SEC31B: variants seen among roughly 807,000 people sequenced by gnomAD.
The protein encoded by SEC31B is SEC31 homolog B, COPII component, also known as protein transport protein Sec31B.
Under a neutral mutation model 135.0 loss-of-function variants are expected in SEC31B, and 113 were observed. The ratio of observed to expected loss-of-function variants is 0.84; its 90% CI spans 0.72 to 0.98. The LOEUF (loss-of-function observed/expected upper bound fraction) is 0.98. Ranked by LOEUF, SEC31B falls within the 50% of genes least tolerant of loss-of-function variation. The pLI is 0.00. For synonymous variants in SEC31B, 508 were observed against 549.4 expected (o/e 0.92, Z 1.05); for missense variants, 1,296 against 1,421.1 (o/e 0.91, Z 1.42).
In SEC31B at chr10:100,497,223, C is replaced by T; in HGVS notation, c.2048G>A (p.Arg683Lys). 1 of 1,614,232 alleles carries T rather than the reference C, an allele frequency of 6.2e-7. No individual in the cohort carries two copies. Among genetic ancestry groups the T allele is most frequent in the South Asian group, 1.1e-5 (1 of 91,086 alleles). The change falls in exon 17 of 26, where the codon AGA (arginine) becomes AAA (lysine). Residue 683 changes from arginine (R) to lysine (K), a missense_variant. Coordinates refer to ENST00000370345, the MANE Select transcript of SEC31B (RefSeq NM_015490.4). ...ACTCCCTGAGCACACATAACAGAGT[C>T]TGGCTTCGGAGGTTAGTGCCCTGCT... ...EGSRALTSEA[R>K]LCYVCSGSVE...
intron 3 of SEC31B, among the ~76,000 whole-genome samples, chr10:100,513,273 T>C (rs1851766817): frequency 6.6e-6 from 1 of 152,208 alleles, no homozygotes; most frequent in Admixed American, 6.5e-5. Context: ...AGAGATAAAA[T>C]ACTTATCAGT....
At chr10:100,503,790 T>C (rs571184753) in intron 10 of SEC31B, among the ~76,000 whole-genome samples, 168 of 151,890 alleles carry the variant, frequency 1.1e-3, no homozygotes, top group Non-Finnish European at 1.9e-3. Context: ...TTCAATCCAA[T>C]GCAGTAAATG....
intron 7 of SEC31B, 110 bp from the exon 8 acceptor site, chr10:100,506,530 T>C (rs1460517895): frequency 4.8e-6 from 4 of 826,484 alleles, no homozygotes; most frequent in African/African-American, 1.7e-5. Flanking sequence ...ATCCATGCCC[T>C]ATAAAATGCA....
At chr10:100,511,414 C>A (rs756962053) in intron 3 of SEC31B, among the ~76,000 whole-genome samples, 1 of 152,094 alleles carries the variant, frequency 6.6e-6, no homozygotes, top group Non-Finnish European at 1.5e-5. Context: ...TGGGTGGGTG[C>A]GTACTATTCT....
At position 100,502,285 on chromosome 10, in the gene SEC31B, T is replaced by C. The variant is rs752924420; in HGVS notation, c.1379A>G (p.Gln460Arg). The C allele has an allele frequency of 4.3e-6, 7 of 1,614,192 alleles. No homozygotes were observed. Among genetic ancestry groups the C allele is most frequent in the South Asian group, 1.1e-5 (1 of 91,080 alleles). The change falls in exon 11 of 26, where the codon CAA (glutamine) becomes CGA (arginine). Residue 460 changes from glutamine to arginine, a missense_variant. Transcript: ENST00000370345. ...GAACTGCCACAGCATCTTTTCACTT[T>C]GCAGTAAAGCTTGCTGGCTCTTGTT... ...CQNKSQQALL[Q>R]SEKMLWQFLK... is the part of the protein sequence containing the mutation.
At chr10:100,506,524 A>C in intron 7 of SEC31B, 104 bp from the exon 8 acceptor site, 1 of 894,440 alleles carries the variant, frequency 1.1e-6, no homozygotes, top group Non-Finnish European at 1.8e-6. Flanking sequence ...CAGACCATCC[A>C]TGCCCTATAA....
intron 6 of SEC31B, 24 bp downstream of exon 6, chr10:100,507,884 T>C (rs1405683717): frequency 2.5e-6 from 4 of 1,614,030 alleles, no homozygotes; most frequent in Non-Finnish European, 3.4e-6. Flanking sequence ...AGCCCAAGCC[T>C]GTGTTCTGGC....
rs757171324 is a variant in SEC31B, at chr10:100,496,434, G to T, written c.2137-3C>A. ...ACCATCACCTTCTCCATCAGGTCCT[G>T]TAAGGGCAAGGATGAGGGTGGTAAG... On this transcript the variant is annotated splice_polypyrimidine_tract_variant and splice_region_variant and intron_variant, in intron 17 of 25. Coordinates refer to ENST00000370345, the MANE Select transcript of SEC31B (RefSeq NM_015490.4). 1 of 1,614,056 alleles carries T rather than the reference G, an allele frequency of 6.2e-7. No homozygotes were observed. The highest frequency in any genetic ancestry group is 1.7e-5 in the Admixed American group (1 of 60,020).
chr10:100,507,919 G>A lies in SEC31B; in HGVS notation c.628C>T (p.His210Tyr). Residue 210 changes from histidine to tyrosine, a missense_variant, in exon 6 of 26, where the codon CAC becomes TAC. His to Tyr is a moderately conservative substitution (Grantham distance 83). Transcript: ENST00000370345. Reference sequence around the variant, plus strand: ...CCTCCAATACTCACCCTGTTGCTGTGATCACTGACTTTGATGATAGGTTCA... The same window carrying A: ...CCTCCAATACTCACCCTGTTGCTGTAATCACTGACTTTGATGATAGGTTCA... ...KNEPIIKVSD[H>Y]SNRMHCSGLA... is the part of the protein sequence containing the mutation. 1 of 1,614,172 alleles carries A rather than the reference G, an allele frequency of 6.2e-7. No homozygotes were observed. Among genetic ancestry groups the A allele is most frequent in the Non-Finnish European group, 8.5e-7 (1 of 1,180,024 alleles).
At chr10:100,506,478 G>A in intron 7 of SEC31B, 58 bp from the exon 8 acceptor site, 6 of 1,445,112 alleles carry the variant, frequency 4.2e-6, no homozygotes, top group Non-Finnish European at 5.8e-6. Flanking sequence ...TGAGTAGGGT[G>A]CCTTATATGT....
At chr10:100,516,073 C>G in intron 3 of SEC31B, 23 bp downstream of exon 3, 1 of 1,613,714 alleles carries the variant, frequency 6.2e-7, no homozygotes, top group Non-Finnish European at 8.5e-7. Flanking sequence ...ACCCTGTATA[C>G]CCATCAATAG....
chr10:100,506,911 G>T (rs111654315), intron 7 of SEC31B, among the ~76,000 whole-genome samples: 32 of 152,256 alleles, frequency 2.1e-4, no homozygotes, highest in African/African-American at 7.7e-4. Context: ...GTCACAGTGA[G>T]CCTTGATCAC....
At position 100,505,613 on chromosome 10, in the gene SEC31B, A is replaced by G. The variant is rs952858048; in HGVS notation, c.1045-118T>C. ...ACACCCAATTTGACCTAGAAAGGTCAGACTCCCATATTCCAGGGGATGGGG... is the reference window on the plus strand; with the variant it reads ...ACACCCAATTTGACCTAGAAAGGTCGGACTCCCATATTCCAGGGGATGGGG... On this transcript the variant is annotated intron_variant, in intron 9 of 25. Coordinates refer to ENST00000370345, the MANE Select transcript of SEC31B (RefSeq NM_015490.4). 32 of 1,461,848 alleles carry G rather than the reference A, an allele frequency of 2.2e-5. No homozygotes were observed. In the African/African-American group the frequency reaches 4.3e-4, roughly 19 times the overall value. 90.6% of individuals were successfully genotyped at this position (1,461,848 alleles called of 1,614,324 possible).
intron 11 of SEC31B, 23 bp downstream of exon 11, chr10:100,502,231 C>A (rs556328857): frequency 4.2e-5 from 67 of 1,589,612 alleles, no homozygotes; most frequent in Middle Eastern, 1.8e-4. Context: ...CACTTCTGAG[C>A]AGCTAGCCTT....
chr10:100,516,509 T>C (rs7083184), intron 2 of SEC31B, among the ~76,000 whole-genome samples: 31,065 of 151,478 alleles, frequency 0.21, 3,291 homozygotes, highest in South Asian at 0.23. Flanking sequence ...ATTAGCCAGA[T>C]GTGGTGGTGG....
chr10:100,492,091 G>A (rs990517830), intron 19 of SEC31B, among the ~76,000 whole-genome samples: 9 of 152,190 alleles, frequency 5.9e-5, no homozygotes, highest in African/African-American at 1.9e-4. Flanking sequence ...TAAGACACAA[G>A]GAATAGAGGG....
chr10:100,505,088 T>C (rs1851600332), intron 10 of SEC31B, among the ~76,000 whole-genome samples: 1 of 152,130 alleles, frequency 6.6e-6, no homozygotes, highest in South Asian at 2.1e-4. Flanking sequence ...AGATGGAATC[T>C]CAGGCTATTT....
intron 16 of SEC31B, 167 bp downstream of exon 16, chr10:100,497,500 G>A: frequency 6.7e-7 from 1 of 1,486,724 alleles, no homozygotes; most frequent in Non-Finnish European, 8.9e-7. Context: ...CTGAAAATAG[G>A]GGCATGCACT....
intron 11 of SEC31B, chr10:100,500,063 T>C (rs778027625): frequency 8.8e-6 from 4 of 456,914 alleles, no homozygotes; most frequent in African/African-American, 4.0e-5. Flanking sequence ...ACAAGAGATA[T>C]TGGCTCTTGT....
Sources: allele counts gnomAD v4.1 joint callset (sites outside exome capture counted in the v4.1 genomes callset), GRCh38; gene constraint gnomAD v4.1.1; transcripts MANE v1.5; gene names NCBI Gene and HGNC (gene_info 2026-07-23, HGNC 2026-07-21).